ARID3C: variants seen among roughly 807,000 people sequenced by gnomAD.
ARID3C encodes AT-rich interaction domain 3C.
In ARID3C, 42 loss-of-function variants were observed where a neutral mutation model predicts 37.9. The ratio of observed to expected loss-of-function variants is 1.11; its 90% CI spans 0.87 to 1.43. ARID3C has a LOEUF of 1.43. Among genes scored for constraint, ARID3C ranks in the 40% most tolerant of loss-of-function variants. The pLI is 0.00. For missense variants in ARID3C, 581 were observed against 548.8 expected, an observed-to-expected ratio of 1.06 and a Z score of -0.59; for synonymous variants, 213 against 228.0, an observed-to-expected ratio of 0.93 and a Z score of 0.59.
chr9:34,622,069 G>A (rs1346041360), exon 6 of ARID3C: 1 of 1,614,094 alleles, frequency 6.2e-7, no homozygotes, highest in Non-Finnish European at 8.5e-7. Flanking sequence ...TACTGCTGAT[G>A]CCACTGCCTG....
chr9:34,623,795 G>GCCCCGGC, intron 3 of ARID3C, 69 bp downstream of exon 4: 2 of 1,504,680 alleles, frequency 1.3e-6, no homozygotes, highest in Non-Finnish European at 1.8e-6. Flanking sequence ...CCCGCCCGGG[G>GCCCCGGC]ACCCTCCCCC....
At chr9:34,624,181 A>T in intron 2 of ARID3C, 134 bp from the exon 4 acceptor site, 2 of 1,020,136 alleles carry the variant, frequency 2.0e-6, no homozygotes, top group Non-Finnish European at 2.7e-6. Context: ...ACAGAACCCC[A>T]GGGTCTCTGT....
intron 1 of ARID3C, among the ~76,000 whole-genome samples, chr9:34,626,248 C>T (rs767988841): frequency 6.6e-6 from 1 of 152,198 alleles, no homozygotes; most frequent in African/African-American, 2.4e-5. Context: ...ATGGTGTTCA[C>T]ATCCCTGTAT....
chr9:34,628,137 C>T, upstream of ARID3C: 1 of 1,309,200 alleles, frequency 7.6e-7, no homozygotes, highest in East Asian at 2.6e-5. This position sits in a 1 kb window ranked among gnomAD's most constrained non-coding sequence, Gnocchi z 5.2. Flanking sequence ...CCAGAGCCCC[C>T]CAACACAGGG....
At chr9:34,627,654 A>C in intron 1 of ARID3C, 43 bp downstream of exon 2, 1 of 1,527,554 alleles carries the variant, frequency 6.5e-7, no homozygotes, top group Non-Finnish European at 8.8e-7. Flanking sequence ...GCCAGAAGAG[A>C]GAGATAGGGA....
Position 34,623,449 on chromosome 9 carries a change from G to A in ARID3C, c.841C>T (p.Leu281=), listed in dbSNP as rs150908741. The change falls in exon 4 of 7, where the codon CTG becomes TTG. Residue 281 remains leucine, a synonymous_variant. Transcript: ENST00000378909. ...CCTTTCTTAATAGGGCTTGGACTCA[G>A]CTGAGCGCATGCATGCGCTGGCAGG... The A allele has an allele frequency of 1.5e-5, 23 of 1,530,924 alleles. No individual in the cohort carries two copies. In the African/African-American group the frequency reaches 3.1e-4, roughly 20 times the overall value. The allele number at this position is 1,530,924 out of a possible 1,614,324, so 94.8% of individuals were successfully genotyped here.
chr9:34,624,185 T>G (rs1587216066), intron 2 of ARID3C, 138 bp from the exon 4 acceptor site: 17 of 943,988 alleles, frequency 1.8e-5, no homozygotes, highest in Non-Finnish European at 2.5e-5. Context: ...AACCCCAGGG[T>G]CTCTGTTTTA....
Position 34,627,085 on chromosome 9 carries a change from G to A in ARID3C, c.318+612C>T, listed in dbSNP as rs370231168. 2.0e-5 allele frequency among the ~76,000 whole-genome samples: 3 copies of A among 152,338 alleles called. No individual in the cohort carries two copies. In the East Asian group the frequency reaches 5.8e-4, roughly 29 times the overall value. On this transcript the variant is annotated intron_variant, in intron 1 of 6. Transcript: ENST00000378909. The stretch of plus-strand genomic sequence containing the variant: ...GCCCTTTAGTCATACTGCGGCTGTA[G>A]TGGCCATCCCAGGCTGGGAACTATC...
intron 1 of ARID3C, among the ~76,000 whole-genome samples, chr9:34,626,229 A>G (rs1185620048): frequency 1.3e-5 from 2 of 152,180 alleles, no homozygotes. Flanking sequence ...TCATTCATGC[A>G]AGGACTTCAT....
chr9:34,626,129 C>A (rs1023371662), intron 1 of ARID3C, among the ~76,000 whole-genome samples: 1 of 152,174 alleles, frequency 6.6e-6, no homozygotes, highest in African/African-American at 2.4e-5. Flanking sequence ...TCTTCCCCCA[C>A]CCTCATGGGA....
chr9:34,626,124 C>T (rs1820651435), intron 1 of ARID3C, among the ~76,000 whole-genome samples: 1 of 151,752 alleles, frequency 6.6e-6, no homozygotes, highest in Non-Finnish European at 1.5e-5. Flanking sequence ...CTCAGTCTTC[C>T]CCCACCCTCA....
chr9:34,623,521 G>A, exon 4 of ARID3C: 1 of 1,562,934 alleles, frequency 6.4e-7, no homozygotes, highest in South Asian at 1.2e-5. Flanking sequence ...TGGGTCGCCG[G>A]AGGGGCGGGG....
upstream of ARID3C, among the ~76,000 whole-genome samples, chr9:34,629,016 G>C (rs1322193606): frequency 6.6e-6 from 1 of 151,908 alleles, no homozygotes; most frequent in Non-Finnish European, 1.5e-5. Flanking sequence ...CCGGCGGTGC[G>C]CTCCCGCCGC....
intron 2 of ARID3C, among the ~76,000 whole-genome samples, chr9:34,624,641 C>T (rs920931315): frequency 6.6e-6 from 1 of 152,214 alleles, no homozygotes; most frequent in Non-Finnish European, 1.5e-5. Context: ...CCGCAGCCCG[C>T]GCCGCCCCCG....
At chr9:34,624,017 G>T in exon 3 of ARID3C, 2 of 1,597,660 alleles carry the variant, frequency 1.3e-6, no homozygotes, top group South Asian at 1.1e-5. Context: ...CACCTGCTTC[G>T]CCATGATGGG....
At chr9:34,623,354 A>G in intron 4 of ARID3C, 71 bp downstream of exon 5, 1 of 1,426,536 alleles carries the variant, frequency 7.0e-7, no homozygotes, top group Non-Finnish European at 9.2e-7. Flanking sequence ...CTCACATTTT[A>G]ATGGTTGCTA....
At chr9:34,622,099 C>T in exon 6 of ARID3C, 5 of 1,614,062 alleles carry the variant, frequency 3.1e-6, no homozygotes, top group Non-Finnish European at 4.2e-6. Context: ...GAGGCCCATC[C>T]AGCCGCTCTT....
exon 4 of ARID3C, chr9:34,623,522 A>AGGGGCG: frequency 1.9e-6 from 3 of 1,562,396 alleles, no homozygotes; most frequent in Non-Finnish European, 2.6e-6. Flanking sequence ...GGGTCGCCGG[A>AGGGGCG]GGGGCGGGGC....
chr9:34,622,871 G>A (rs1048659637), intron 4 of ARID3C, among the ~76,000 whole-genome samples: 11 of 152,044 alleles, frequency 7.2e-5, no homozygotes, highest in Non-Finnish European at 1.6e-4. Flanking sequence ...TTTCCTGGCC[G>A]GGCGCGGTGA....
Sources: gnomAD v4.1 joint callset for allele counts (sites outside exome capture counted in the v4.1 genomes callset) on GRCh38, gnomAD v4.1.1 for gene constraint, Gnocchi (gnomAD v3.1) non-coding constraint, MANE v1.5 for transcripts, NCBI Gene and HGNC (gene_info 2026-07-23, HGNC 2026-07-21) for gene names.